CNKSR3: variants seen among roughly 807,000 people sequenced by gnomAD.
The protein encoded by CNKSR3 is CNKSR family member 3.
A neutral mutation model predicts 67.7 loss-of-function variants in CNKSR3; 36 were observed. That is an observed-to-expected ratio of 0.53 (90% CI 0.41 to 0.70). CNKSR3 has a LOEUF of 0.70. Ranked by LOEUF, CNKSR3 falls within the 30% of genes least tolerant of loss-of-function variation. The probability of loss-of-function intolerance (pLI) is 0.00; values close to 1 mark genes in which losing one functional copy is unlikely to be tolerated. For missense variants in CNKSR3, 630 were observed against 695.2 expected, an observed-to-expected ratio of 0.91 and a Z score of 1.05; for synonymous variants, 281 against 271.4, an observed-to-expected ratio of 1.04 and a Z score of -0.35.
intron 2 of CNKSR3, among the ~76,000 whole-genome samples, chr6:154,443,701 G>A (rs948772096): frequency 6.6e-6 from 1 of 152,012 alleles, no homozygotes; most frequent in Non-Finnish European, 1.5e-5. Flanking sequence ...TTCACTAAGC[G>A]TGATCTCCTG....
chr6:154,499,637 G>T (rs1244104918), intron 1 of CNKSR3, among the ~76,000 whole-genome samples: 1 of 151,866 alleles, frequency 6.6e-6, no homozygotes, highest in Non-Finnish European at 1.5e-5. Flanking sequence ...TTTTTAATGT[G>T]GGGGGTTCTT....
Position 154,399,379 on chromosome 6 carries a change from G to A in CNKSR3, c.*6975C>T, listed in dbSNP as rs1488003471. ...TTAAATGCTGTGTGCCAGACTATGC[G>A]AAGAAAGGGCCTTAAAAACATTATC... On this transcript the variant is annotated 3_prime_UTR_variant, in exon 13 of 13. Coordinates refer to ENST00000607772, the MANE Select transcript of CNKSR3 (RefSeq NM_173515.4). The A allele has an allele frequency of 6.6e-6, 1 of 152,182 alleles. No homozygotes were observed. Among genetic ancestry groups the A allele is most frequent in the Non-Finnish European group, 1.5e-5 (1 of 68,054 alleles). 9.4% of individuals were successfully genotyped at this position (152,182 alleles called of 1,614,324 possible).
chr6:154,433,551 A>T (rs1785411914), intron 4 of CNKSR3, 44 bp from the exon 5 acceptor site: 7 of 1,445,504 alleles, frequency 4.8e-6, no homozygotes, highest in Non-Finnish European at 5.8e-6. Context: ...TACAAGAGTT[A>T]AAAACGTTCA....
At chr6:154,464,695 A>G (rs1487085060) in intron 1 of CNKSR3, among the ~76,000 whole-genome samples, 1 of 151,314 alleles carries the variant, frequency 6.6e-6, no homozygotes, top group Admixed American at 6.6e-5. Flanking sequence ...CAGCCTGGCG[A>G]CAGAGCAAGA....
At chr6:154,430,691 T>A in intron 5 of CNKSR3, 100 bp from the exon 6 acceptor site, 1 of 1,159,330 alleles carries the variant, frequency 8.6e-7, no homozygotes, top group Non-Finnish European at 1.2e-6. Context: ...AATTGTTAGT[T>A]CTGGTTGGCA....
At chr6:154,489,230 T>C (rs1252786828) in intron 1 of CNKSR3, among the ~76,000 whole-genome samples, 1 of 152,092 alleles carries the variant, frequency 6.6e-6, no homozygotes, top group African/African-American at 2.4e-5. Context: ...AAGATTTCGG[T>C]GTAAAGTCAC....
intron 4 of CNKSR3, among the ~76,000 whole-genome samples, chr6:154,439,932 G>A (rs367810343): frequency 5.9e-5 from 9 of 152,268 alleles, no homozygotes; most frequent in Admixed American, 5.2e-4. Flanking sequence ...AAATATTACG[G>A]GAAGAGGGAA....
At chr6:154,480,206 T>C (rs1786538100) in intron 1 of CNKSR3, among the ~76,000 whole-genome samples, 1 of 152,208 alleles carries the variant, frequency 6.6e-6, no homozygotes, top group Non-Finnish European at 1.5e-5. Context: ...TCCTGAGCCC[T>C]TCTGTATTCC....
chr6:154,459,132 G>GAGAGAGAAAGAA (rs1554235242), intron 1 of CNKSR3, among the ~76,000 whole-genome samples: 4 of 148,028 alleles, frequency 2.7e-5, no homozygotes, highest in South Asian at 2.1e-4. Context: ...GAAAAAGAGA[G>GAGAGAGAAAGAA]AGAAAGAAAG....
intron 1 of CNKSR3, among the ~76,000 whole-genome samples, chr6:154,463,135 G>A (rs1398743494): frequency 6.3e-5 from 9 of 143,206 alleles, no homozygotes; most frequent in South Asian, 4.4e-4. Flanking sequence ...TTTTTGAGAC[G>A]GAGTCTCGCT....
At chr6:154,498,353 CA>C (rs11324937) in intron 1 of CNKSR3, among the ~76,000 whole-genome samples, 22,342 of 138,180 alleles carry the variant, frequency 0.16, 2,047 homozygotes, top group African/African-American at 0.29. Flanking sequence ...TGGTCTACGT[CA>C]AAAAAAAAAA....
intron 1 of CNKSR3, among the ~76,000 whole-genome samples, chr6:154,505,884 C>T (rs904743198): frequency 4.1e-4 from 63 of 152,134 alleles, no homozygotes; most frequent in African/African-American, 3.6e-4. Flanking sequence ...ACCAGTCCCA[C>T]GTCTTCCTCG....
intron 1 of CNKSR3, among the ~76,000 whole-genome samples, chr6:154,496,121 A>C (rs1454497414): frequency 2.6e-5 from 4 of 152,200 alleles, no homozygotes; most frequent in Non-Finnish European, 5.9e-5. Context: ...AGTTAAAGCC[A>C]AGAACTCTTT....
intron 1 of CNKSR3, among the ~76,000 whole-genome samples, chr6:154,456,008 A>G (rs553079481): frequency 7.2e-5 from 11 of 152,034 alleles, no homozygotes; most frequent in Admixed American, 6.5e-4. Context: ...AAAAAAAAAC[A>G]AACAAAAAAC....
intron 8 of CNKSR3, 102 bp from the exon 9 acceptor site, chr6:154,422,754 A>G (rs1403283586): frequency 7.4e-7 from 1 of 1,346,460 alleles, no homozygotes; most frequent in Non-Finnish European, 1.1e-6. Context: ...GAGCAGATAC[A>G]TAGAAACAAA....
At chr6:154,485,016 A>G (rs1485452304) in intron 1 of CNKSR3, among the ~76,000 whole-genome samples, 1 of 152,208 alleles carries the variant, frequency 6.6e-6, no homozygotes. Context: ...CAAGACTGCC[A>G]ATTCCACTGA....
At position 154,436,695 on chromosome 6, in the gene CNKSR3, G is replaced by A. The variant is rs534798837; in HGVS notation, c.508-3188C>T. Among the ~76,000 whole-genome samples, 3 of 152,066 alleles carry A rather than the reference G, an allele frequency of 2.0e-5. No individual in the cohort carries two copies. The South Asian group carries it at 6.3e-4, about 32-fold the overall frequency. On this transcript the variant is annotated intron_variant, in intron 4 of 12. Coordinates refer to ENST00000607772, the MANE Select transcript of CNKSR3 (RefSeq NM_173515.4). The stretch of plus-strand genomic sequence containing the variant: ...CAGACTGAAACTCAGCACCTGCCAG[G>A]GCCATTGTGTCTCTCTTGCCGTCTC...
intron 9 of CNKSR3, among the ~76,000 whole-genome samples, chr6:154,416,459 T>A (rs1785026460): frequency 6.6e-6 from 1 of 152,212 alleles, no homozygotes; most frequent in African/African-American, 2.4e-5. Context: ...TCTGAAAACA[T>A]GAGGCCAGGA....
chr6:154,498,105 G>C (rs772950829), intron 1 of CNKSR3, among the ~76,000 whole-genome samples: 3 of 152,192 alleles, frequency 2.0e-5, no homozygotes, highest in Non-Finnish European at 2.9e-5. Context: ...ATCAGGGCAT[G>C]AGTGTTTCTG....
Sources: gnomAD v4.1 joint callset for allele counts (sites outside exome capture counted in the v4.1 genomes callset) on GRCh38, gnomAD v4.1.1 for gene constraint, MANE v1.5 for transcripts, NCBI Gene and HGNC (gene_info 2026-07-23, HGNC 2026-07-21) for gene names.